The following TRAPPC13 variants were observed in gnomAD, a reference collection of about 807,000 sequenced individuals.
TRAPPC13 encodes REV7-interacting novel NHEJ regulator 1.
TRAPPC13 carries 39 observed loss-of-function variants against 54.0 expected under a neutral mutation model. The observed-to-expected ratio is 0.72, with a 90% CI of 0.56 to 0.94. The LOEUF is 0.94. Ranked by LOEUF, TRAPPC13 falls within the 40% of genes least tolerant of loss-of-function variation. TRAPPC13 has a pLI of 0.00. For synonymous variants in TRAPPC13, 148 were observed against 167.7 expected (o/e 0.88, Z 0.91); for missense variants, 386 against 488.1 (o/e 0.79, Z 1.97).
chr5:65,657,841 C>T (rs895963550), intron 8 of TRAPPC13: 2 of 152,096 alleles, frequency 1.3e-5, no homozygotes, highest in Non-Finnish European at 1.5e-5. Flanking sequence ...AATGACCACT[C>T]GCAAATTGCT....
chr5:65,629,879 A>T, intron 1 of TRAPPC13: 1 of 1,536,140 alleles, frequency 6.5e-7, no homozygotes, highest in Non-Finnish European at 8.7e-7. Flanking sequence ...ACCTAGCTTG[A>T]AAAAGCAGCA....
chr5:65,660,712 G>C lies in TRAPPC13; in HGVS notation c.712G>C (p.Gly238Arg). ...CACCCCTCTCAGTGTGTCTACGTTT[G>C]GGTCAAGAGCATATTTGCAACCAAT... is the stretch of plus-strand genomic sequence containing the variant. ...SQAGECVSTF[G>R]SRAYLQPMDT... is the part of the protein sequence containing the mutation. The change falls in exon 10 of 13, where the codon GGG becomes CGG. Residue 238 changes from glycine to arginine, a missense_variant. Gly to Arg is a moderately radical substitution (Grantham distance 125). Transcript: ENST00000399438. 6.2e-7 allele frequency: 1 copy of C among 1,606,648 alleles called. No homozygotes were observed. The highest frequency in any genetic ancestry group is 8.5e-7 in the Non-Finnish European group (1 of 1,176,728).
At chr5:65,638,407 T>A (rs154864) in intron 4 of TRAPPC13, among the ~76,000 whole-genome samples, 90,582 of 151,960 alleles carry the variant, frequency 0.6, 27,368 homozygotes, top group South Asian at 0.64. Flanking sequence ...TATGTCAATC[T>A]GGAAGGTTTC....
chr5:65,650,678 C>T, intron 5 of TRAPPC13, 132 bp from the exon 6 acceptor site: 1 of 635,938 alleles, frequency 1.6e-6, no homozygotes. Context: ...GACTTTTTCC[C>T]CTGCTCTAAT....
intron 8 of TRAPPC13, among the ~76,000 whole-genome samples, chr5:65,657,717 C>T (rs1410211081): frequency 1.3e-5 from 2 of 152,188 alleles, no homozygotes; most frequent in African/African-American, 2.4e-5. Context: ...AAATCTGTCA[C>T]TGAGGCTACA....
At chr5:65,625,977 G>T (rs1755207645) in intron 1 of TRAPPC13, 1 of 152,164 alleles carries the variant, frequency 6.6e-6, no homozygotes, top group Admixed American at 6.5e-5. Flanking sequence ...GTAGTCATCA[G>T]ACTTTCTAGA....
At chr5:65,627,625 C>CAAA (rs77913020) in intron 1 of TRAPPC13, among the ~76,000 whole-genome samples, 1 of 120,408 alleles carries the variant, frequency 8.3e-6, no homozygotes, top group Non-Finnish European at 1.8e-5. Flanking sequence ...GACTCTGTCT[C>CAAA]AAAAAAAAAA....
chr5:65,641,177 TC>T (rs1323271958), intron 4 of TRAPPC13, among the ~76,000 whole-genome samples: 1 of 152,030 alleles, frequency 6.6e-6, no homozygotes, highest in African/African-American at 2.4e-5. Flanking sequence ...CAAGCAAGCC[TC>T]CCGCATCAGC....
chr5:65,651,007 A>C, intron 6 of TRAPPC13, 125 bp downstream of exon 6: 3 of 689,726 alleles, frequency 4.3e-6, no homozygotes, highest in Non-Finnish European at 5.1e-6. Context: ...ATATTTTTGA[A>C]TGTGTCATAT....
intron 1 of TRAPPC13, chr5:65,630,208 T>G: frequency 1.3e-6 from 2 of 1,535,978 alleles, no homozygotes; most frequent in Non-Finnish European, 1.7e-6. Context: ...TTCAGAGGCA[T>G]TTAGGCCAAA....
chr5:65,633,977 G>GGT (rs1755645144), intron 1 of TRAPPC13, among the ~76,000 whole-genome samples: 53 of 60,482 alleles, frequency 8.8e-4, no homozygotes, highest in South Asian at 1.6e-3. Flanking sequence ...CTCTCCCAGC[G>GGT]TTTTTTTTTT....
Position 65,660,687 on chromosome 5 carries a change from C to T in TRAPPC13, c.699-12C>T. On this transcript the variant is annotated splice_polypyrimidine_tract_variant and intron_variant, in intron 9 of 12. Coordinates refer to ENST00000399438, the MANE Select transcript of TRAPPC13 (RefSeq NM_024941.4). ...AGAGAATTTTCTCCGTCTCTGTCTC[C>T]ACCCCTCTCAGTGTGTCTACGTTTG... 1.3e-6 allele frequency: 2 copies of T among 1,566,044 alleles called. No homozygotes were observed. The highest frequency in any genetic ancestry group is 1.7e-6 in the Non-Finnish European group (2 of 1,158,068).
At chr5:65,637,073 A>G (rs1159259752) in intron 3 of TRAPPC13, among the ~76,000 whole-genome samples, 2 of 152,328 alleles carry the variant, frequency 1.3e-5, no homozygotes, top group African/African-American at 4.8e-5. Context: ...GCTCTCTCTA[A>G]CCTATTCAGA....
chr5:65,629,165 A>G, intron 1 of TRAPPC13, among the ~76,000 whole-genome samples: 1 of 152,286 alleles, frequency 6.6e-6, no homozygotes. Context: ...AAGTTTTAAG[A>G]CTATTATTAC....
At position 65,640,657 on chromosome 5, in the gene TRAPPC13, T is replaced by C. The variant is rs191705352; in HGVS notation, c.300+2877T>C. Among the ~76,000 whole-genome samples the C allele has an allele frequency of 5.9e-5, 9 of 152,360 alleles. No individual in the cohort carries two copies. The East Asian group carries it at 1.7e-3, about 29-fold the overall frequency. ...CTTTCTATGTTGTAAATATTGAATT[T>C]CTTGGAATTCAGTAAATACTGGCAA... is the stretch of plus-strand genomic sequence containing the variant. On this transcript the variant is annotated intron_variant, in intron 4 of 12. Coordinates refer to ENST00000399438, the MANE Select transcript of TRAPPC13 (RefSeq NM_024941.4).
At chr5:65,652,339 C>CT (rs11354403) in intron 6 of TRAPPC13, among the ~76,000 whole-genome samples, 162 bp from the exon 7 acceptor site, 41,012 of 115,626 alleles carry the variant, frequency 0.35, 7,237 homozygotes, top group East Asian at 0.52. Context: ...TTTTTCTTTT[C>CT]TTTTTTTTTT....
At chr5:65,630,829 T>G (rs1400353332) in intron 1 of TRAPPC13, 1 of 299,986 alleles carries the variant, frequency 3.3e-6, no homozygotes, top group African/African-American at 2.3e-5. Context: ...CGATACAAAA[T>G]GTATACTTTG....
chr5:65,636,171 T>C, intron 3 of TRAPPC13, 128 bp downstream of exon 3: 1 of 600,844 alleles, frequency 1.7e-6, no homozygotes, highest in Non-Finnish European at 2.8e-6. Flanking sequence ...TGAGATGGAG[T>C]CTCGCTCTAT....
At chr5:65,633,593 T>C (rs1755629579) in intron 1 of TRAPPC13, among the ~76,000 whole-genome samples, 1 of 152,138 alleles carries the variant, frequency 6.6e-6, no homozygotes, top group Non-Finnish European at 1.5e-5. Context: ...CTTTTAATAA[T>C]GAACTAGCCC....
Sources: gnomAD v4.1 joint callset for allele counts (sites outside exome capture counted in the v4.1 genomes callset) on GRCh38, gnomAD v4.1.1 for gene constraint, MANE v1.5 for transcripts, NCBI Gene and HGNC (gene_info 2026-07-23, HGNC 2026-07-21) for gene names.